Variants in CCDC170 observed in about 807,000 individuals in gnomAD.
CCDC170 encodes coiled-coil domain-containing protein 170.
A neutral mutation model predicts 72.6 loss-of-function variants in CCDC170; 69 were observed. That is an observed-to-expected ratio of 0.95 (90% CI 0.78 to 1.16). The LOEUF (loss-of-function observed/expected upper bound fraction) is 1.16, where lower values mean the gene tolerates loss of function less well. CCDC170 is among the 50% of genes most tolerant of loss of function. CCDC170 has a pLI of 0.00. For synonymous variants in CCDC170, 300 were observed against 303.9 expected (o/e 0.99, Z 0.13); for missense variants, 852 against 832.5 (o/e 1.02, Z -0.29).
chr6:151,535,814 T>C (rs148802391), intron 1 of CCDC170, among the ~76,000 whole-genome samples: 2,106 of 152,212 alleles, frequency 0.014, 55 homozygotes, highest in African/African-American at 0.048. Context: ...GGTGCAATTA[T>C]AGCTCACTGA....
intron 1 of CCDC170, among the ~76,000 whole-genome samples, chr6:151,531,901 C>G (rs1782495946): frequency 6.6e-6 from 1 of 152,152 alleles, no homozygotes; most frequent in African/African-American, 2.4e-5. Context: ...TAACTGCCCC[C>G]CATGATTCAA....
In CCDC170 at chr6:151,596,316, C is replaced by T. The variant is rs915426794; in HGVS notation, c.1468-19C>T. 6 of 1,573,782 alleles carry T rather than the reference C, an allele frequency of 3.8e-6. No homozygotes were observed. The highest frequency in any genetic ancestry group is 5.1e-6 in the Non-Finnish European group (6 of 1,165,444). On this transcript the variant is annotated intron_variant, in intron 8 of 10. Coordinates refer to ENST00000239374, the MANE Select transcript of CCDC170 (RefSeq NM_025059.4). ...TTGTTCAATTATTAAAAAAAAAATC[C>T]CTGTTTGCATCAAACCAGCTAAAGA...
intron 9 of CCDC170, among the ~76,000 whole-genome samples, chr6:151,605,710 G>A (rs1285933396): frequency 6.6e-6 from 1 of 152,044 alleles, no homozygotes; most frequent in Non-Finnish European, 1.5e-5. Context: ...GGGCATTGTG[G>A]CTATGGAAGT....
At chr6:151,497,219 G>A (rs574826860) in intron 1 of CCDC170, among the ~76,000 whole-genome samples, 79 of 152,154 alleles carry the variant, frequency 5.2e-4, no homozygotes, top group African/African-American at 1.7e-3. Context: ...GCAAAACCCC[G>A]TCTCTACAAA....
At chr6:151,565,212 C>T (rs1479076930) in intron 5 of CCDC170, among the ~76,000 whole-genome samples, 3 of 152,120 alleles carry the variant, frequency 2.0e-5, no homozygotes, top group Non-Finnish European at 4.4e-5. Flanking sequence ...GCTGTTGGGC[C>T]CCAAGGCAGG....
At chr6:151,496,798 A>T (rs1048665536) in intron 1 of CCDC170, among the ~76,000 whole-genome samples, 4 of 152,234 alleles carry the variant, frequency 2.6e-5, no homozygotes, top group African/African-American at 9.6e-5. Context: ...AAAACAATTA[A>T]TGTATCAGCA....
intron 5 of CCDC170, among the ~76,000 whole-genome samples, chr6:151,572,042 T>C (rs1776226119): frequency 6.6e-6 from 1 of 152,104 alleles, no homozygotes; most frequent in Non-Finnish European, 1.5e-5. Context: ...TTATATAAGA[T>C]GGGGGTTTAC....
chr6:151,551,547 G>T (rs1260738801), intron 5 of CCDC170, among the ~76,000 whole-genome samples: 8 of 152,158 alleles, frequency 5.3e-5, no homozygotes, highest in African/African-American at 7.2e-5. Flanking sequence ...ACACTCTATT[G>T]ATCTCTCTGG....
chr6:151,498,434 C>T (rs1218848931), intron 1 of CCDC170, among the ~76,000 whole-genome samples: 2 of 152,218 alleles, frequency 1.3e-5, no homozygotes, highest in African/African-American at 2.4e-5. Flanking sequence ...GCCATCTTAA[C>T]TTACAAATGT....
In CCDC170 at chr6:151,596,559, C is replaced by A; in HGVS notation, c.1692C>A (p.Ala564=). Residue 564 remains alanine (A), a synonymous_variant, in exon 9 of 11, where the codon GCC becomes GCA. Coordinates refer to ENST00000239374, the MANE Select transcript of CCDC170 (RefSeq NM_025059.4). ...ACACCGAGCTCAAAGCCAAACTGGCCGACACCAATGAACTGAAGGCAAGTG... is the reference window on the plus strand; with the variant it reads ...ACACCGAGCTCAAAGCCAAACTGGCAGACACCAATGAACTGAAGGCAAGTG... ...DLHTELKAKL[A]DTNELKIKTL... 1 of 1,613,986 alleles carries A rather than the reference C, an allele frequency of 6.2e-7. No individual in the cohort carries two copies. Among genetic ancestry groups the A allele is most frequent in the Non-Finnish European group, 8.5e-7 (1 of 1,179,966 alleles).
At chr6:151,591,518 G>A (rs11752282) in intron 7 of CCDC170, among the ~76,000 whole-genome samples, 13,806 of 151,312 alleles carry the variant, frequency 0.091, 799 homozygotes, top group Middle Eastern at 0.17. Context: ...TTTTTGAGGC[G>A]GAGTCTTGCT....
chr6:151,537,997 C>A, intron 2 of CCDC170, 48 bp from the exon 3 acceptor site: 1 of 1,532,930 alleles, frequency 6.5e-7, no homozygotes, highest in Non-Finnish European at 8.8e-7. Flanking sequence ...ATAATTCAAA[C>A]TTATGTTGTT....
At chr6:151,510,726 A>G (rs564945977) in intron 1 of CCDC170, among the ~76,000 whole-genome samples, 1 of 151,840 alleles carries the variant, frequency 6.6e-6, no homozygotes, top group South Asian at 2.1e-4. Flanking sequence ...TAATTTTATA[A>G]GTAAGTTTTT....
At chr6:151,537,455 C>A (rs1024727431) in intron 2 of CCDC170, among the ~76,000 whole-genome samples, 1 of 152,154 alleles carries the variant, frequency 6.6e-6, no homozygotes, top group Non-Finnish European at 1.5e-5. Flanking sequence ...ATATATTGTT[C>A]AGCATTTCGA....
Position 151,618,264 on chromosome 6 carries a change from T to A in CCDC170, c.*117T>A, listed in dbSNP as rs1777002248. ...GTGAATATTTTATGCTTTGATGATATAGTGAGAATGCATCACTTGCAAAAA... is the reference window on the plus strand; with the variant it reads ...GTGAATATTTTATGCTTTGATGATAAAGTGAGAATGCATCACTTGCAAAAA... On this transcript the variant is annotated 3_prime_UTR_variant, in exon 11 of 11. Transcript: ENST00000239374. The A allele has an allele frequency of 1.1e-6, 1 of 895,752 alleles. No homozygotes were observed. The allele number at this position is 895,752 out of a possible 1,614,324, so 55.5% of individuals were successfully genotyped here.
Position 151,585,946 on chromosome 6 carries a change from T to G in CCDC170, c.1150T>G (p.Ser384Ala). 1 of 1,613,690 alleles carries G rather than the reference T, an allele frequency of 6.2e-7. No homozygotes were observed. Among genetic ancestry groups the G allele is most frequent in the South Asian group, 1.1e-5 (1 of 91,000 alleles). ...GCTTGTTGAACAGTTGGGAAAGGAG[T>G]CTGGGTTTCACCAGAAAGCTCTCCA... ...SELVEQLGKE[S>A]GFHQKALQRA... The change falls in exon 7 of 11, where the codon TCT becomes GCT. Residue 384 changes from serine to alanine, a missense_variant. Transcript: ENST00000239374.
chr6:151,512,152 G>A (rs1009945372), intron 1 of CCDC170, among the ~76,000 whole-genome samples: 1 of 138,456 alleles, frequency 7.2e-6, no homozygotes, highest in East Asian at 2.1e-4. Flanking sequence ...GCAGTATACC[G>A]TTTTTTTTTG....
rs779355411 is a variant in CCDC170 at position 151,536,455 on chromosome 6, A to G, written c.186+9A>G. ...AATGTGCTCAGTCTGAGGTAAGATA[A>G]TGCATTTCCAGCACTCAGAAATGGG... On this transcript the variant is annotated intron_variant, in intron 2 of 10. Transcript: ENST00000239374. The G allele has an allele frequency of 1.2e-6, 2 of 1,613,814 alleles. No individual in the cohort carries two copies. Among genetic ancestry groups the G allele is most frequent in the Admixed American group, 3.3e-5 (2 of 60,000 alleles).
intron 9 of CCDC170, among the ~76,000 whole-genome samples, chr6:151,613,097 T>C (rs1776900626): frequency 1.3e-5 from 2 of 152,324 alleles, no homozygotes; most frequent in African/African-American, 4.8e-5. Context: ...ACAGTTGATA[T>C]ACCATAAAAT....
Sources: gnomAD v4.1 joint callset for allele counts (sites outside exome capture counted in the v4.1 genomes callset) on GRCh38, gnomAD v4.1.1 for gene constraint, MANE v1.5 for transcripts, NCBI Gene and HGNC (gene_info 2026-07-23, HGNC 2026-07-21) for gene names.